Variants in STK32C observed in about 807,000 individuals in gnomAD.
STK32C encodes the protein serine/threonine kinase 32C, also known as serine/threonine-protein kinase 32C.
A neutral mutation model predicts 56.5 loss-of-function variants in STK32C; 31 were observed. That is an observed-to-expected ratio of 0.55 (90% CI 0.41 to 0.74). STK32C has a LOEUF of 0.74. Ranked by LOEUF, STK32C falls within the 30% of genes least tolerant of loss-of-function variation. The pLI is 0.00. For synonymous variants in STK32C, 309 were observed against 289.4 expected, an observed-to-expected ratio of 1.07 and a Z score of -0.69; for missense variants, 544 against 676.9, an observed-to-expected ratio of 0.80 and a Z score of 2.18.
chr10:132,299,707 C>A (rs1048418099), intron 1 of STK32C, among the ~76,000 whole-genome samples: 1 of 152,244 alleles, frequency 6.6e-6, no homozygotes, highest in Non-Finnish European at 1.5e-5. Context: ...TGAGAAACCA[C>A]AAGGAGGCTG....
At chr10:132,210,674 C>T (rs903933220) in intron 10 of STK32C, among the ~76,000 whole-genome samples, 1 of 152,232 alleles carries the variant, frequency 6.6e-6, no homozygotes, top group Non-Finnish European at 1.5e-5. Flanking sequence ...TGCTGACGTG[C>T]GTCACACTCG....
intron 1 of STK32C, among the ~76,000 whole-genome samples, chr10:132,277,654 G>A (rs1016460868): frequency 1.3e-5 from 2 of 152,224 alleles, no homozygotes; most frequent in Non-Finnish European, 2.9e-5. Context: ...ACAGCTGCAG[G>A]CAACATCCCA....
At chr10:132,285,374 T>A (rs1030266219) in intron 1 of STK32C, among the ~76,000 whole-genome samples, 3 of 152,230 alleles carry the variant, frequency 2.0e-5, no homozygotes, top group Non-Finnish European at 2.9e-5. Context: ...AGGAAAACCA[T>A]ATCAATAATG....
At chr10:132,249,345 C>T (rs1305240747) in intron 1 of STK32C, among the ~76,000 whole-genome samples, 1 of 152,124 alleles carries the variant, frequency 6.6e-6, no homozygotes, top group Non-Finnish European at 1.5e-5. Context: ...GCCACAGGGA[C>T]ACCAAGGGAC....
chr10:132,238,582 AGGGGATGTG>A (rs2063381643), intron 2 of STK32C, among the ~76,000 whole-genome samples: 1 of 152,102 alleles, frequency 6.6e-6, no homozygotes, highest in Non-Finnish European at 1.5e-5. Context: ...TGATTCATGC[AGGGGATGTG>A]GGCTCAAGCC....
chr10:132,261,014 C>T (rs1396752931), intron 1 of STK32C, among the ~76,000 whole-genome samples: 1 of 151,552 alleles, frequency 6.6e-6, no homozygotes, highest in Non-Finnish European at 1.5e-5. Flanking sequence ...GGAAGCTGTC[C>T]GACTGGCATC....
At chr10:132,234,939 G>A (rs1338641989) in intron 2 of STK32C, among the ~76,000 whole-genome samples, 1 of 152,244 alleles carries the variant, frequency 6.6e-6, no homozygotes, top group Admixed American at 6.5e-5. Flanking sequence ...AGGGACCTAG[G>A]GCAGGGATAC....
intron 10 of STK32C, among the ~76,000 whole-genome samples, chr10:132,221,656 GGTGA>G (rs10543411): frequency 0.011 from 1,531 of 140,800 alleles, 28 homozygotes; most frequent in African/African-American, 0.039. Context: ...GACACACCTG[GGTGA>G]GTGTGAGGGC....
chr10:132,208,499 G>A lies in STK32C; in HGVS notation c.1320-348C>T, dbSNP rs113942295. Reference sequence around the variant, plus strand: ...AGGGTGCCAGTCAGTGCCCTCAGCCGTCTGCACGTGCTGCCCTGCACGTCC... The same window carrying A: ...AGGGTGCCAGTCAGTGCCCTCAGCCATCTGCACGTGCTGCCCTGCACGTCC... On this transcript the variant is annotated intron_variant, in intron 11 of 11. Transcript: ENST00000298630. 5.9e-3 allele frequency among the ~76,000 whole-genome samples: 897 copies of A among 152,326 alleles called. 15 individuals are homozygous for A. Among genetic ancestry groups the A allele is most frequent in the African/African-American group, 0.02 (828 of 41,572 alleles).
rs774768998 is a variant in STK32C at position 132,249,115 on chromosome 10, C to G, written c.263-3160G>C. On this transcript the variant is annotated intron_variant, in intron 1 of 11. Coordinates refer to ENST00000298630, the MANE Select transcript of STK32C (RefSeq NM_173575.4). ...AGGCAGCAGCAAGGCGCATGCGTGC[C>G]GGGGCGGGGCTGTGGCGTCAGGGCG... 29 of 443,350 alleles carry G rather than the reference C, an allele frequency of 6.5e-5. 2 individuals carry two copies. Among genetic ancestry groups the G allele is most frequent in the South Asian group, 4.1e-4 (26 of 63,446 alleles). 27.5% of individuals were successfully genotyped at this position (443,350 alleles called of 1,614,324 possible).
chr10:132,282,019 CCT>C (rs1458866700), intron 1 of STK32C, among the ~76,000 whole-genome samples: 1 of 152,246 alleles, frequency 6.6e-6, no homozygotes, highest in African/African-American at 2.4e-5. Flanking sequence ...GAGGGAGGCG[CCT>C]CCCTGATCCC....
intron 1 of STK32C, among the ~76,000 whole-genome samples, chr10:132,325,261 G>C (rs528195816): frequency 3.9e-5 from 6 of 152,040 alleles, no homozygotes; most frequent in Admixed American, 3.3e-4. Flanking sequence ...TTTAGAAAGA[G>C]GAGTTCCCCG....
intron 1 of STK32C, among the ~76,000 whole-genome samples, chr10:132,318,102 T>TA (rs2138449262): frequency 6.6e-6 from 1 of 151,182 alleles, no homozygotes; most frequent in South Asian, 2.1e-4. Flanking sequence ...ACCTGGTCTC[T>TA]ACTTAAAATA....
chr10:132,212,054 C>A (rs2062321081), intron 10 of STK32C, among the ~76,000 whole-genome samples: 1 of 152,080 alleles, frequency 6.6e-6, no homozygotes, highest in African/African-American at 2.4e-5. Flanking sequence ...AGGCTTCAGT[C>A]CCTAGCACCG....
At chr10:132,312,760 C>A (rs987917885), upstream of STK32C, among the ~76,000 whole-genome samples, 3 of 152,220 alleles carry the variant, frequency 2.0e-5, no homozygotes, top group Non-Finnish European at 4.4e-5. Context: ...GAGTTCCAGG[C>A]CAGATGCAGT....
At chr10:132,294,478 G>A (rs965171577) in intron 1 of STK32C, among the ~76,000 whole-genome samples, 1 of 152,166 alleles carries the variant, frequency 6.6e-6, no homozygotes, top group African/African-American at 2.4e-5. Context: ...GAAAATGGAG[G>A]GCTGAGAAAT....
intron 1 of STK32C, among the ~76,000 whole-genome samples, chr10:132,276,477 C>T (rs1026853507): frequency 1.3e-5 from 2 of 152,154 alleles, no homozygotes; most frequent in East Asian, 1.9e-4. Context: ...TGCATCCACC[C>T]GATACACTCA....
chr10:132,267,508 C>CGTGTGTGT (rs71472734), intron 1 of STK32C, among the ~76,000 whole-genome samples: 2 of 147,472 alleles, frequency 1.4e-5, no homozygotes, highest in South Asian at 2.2e-4. Flanking sequence ...TGTCCCACAT[C>CGTGTGTGT]GTGTGTGTGT....
intron 1 of STK32C, among the ~76,000 whole-genome samples, chr10:132,265,989 T>C (rs1489007657): frequency 6.6e-6 from 1 of 152,222 alleles, no homozygotes; most frequent in Non-Finnish European, 1.5e-5. Context: ...ATTCCATTCC[T>C]AGCTATTTAC....
Sources: gnomAD v4.1 joint callset for allele counts (sites outside exome capture counted in the v4.1 genomes callset) on GRCh38, gnomAD v4.1.1 for gene constraint, MANE v1.5 for transcripts, NCBI Gene and HGNC (gene_info 2026-07-23, HGNC 2026-07-21) for gene names.